SCML4: variants seen among roughly 807,000 people sequenced by gnomAD.
SCML4 encodes sex comb on midleg-like protein 4.
SCML4 carries 34 observed loss-of-function variants against 41.1 expected under a neutral mutation model. That is an observed-to-expected ratio of 0.83 (90% CI 0.63 to 1.10). SCML4 has a LOEUF of 1.10. Among genes scored for constraint, SCML4 ranks in the 50% least tolerant of loss-of-function variants. SCML4 has a pLI of 0.00. For missense variants in SCML4, 522 were observed against 534.1 expected (o/e 0.98, Z 0.22); for synonymous variants, 214 against 220.9 (o/e 0.97, Z 0.28).
intron 2 of SCML4, among the ~76,000 whole-genome samples, chr6:107,758,075 TCAGA>T (rs1211007757): frequency 1.3e-5 from 2 of 152,214 alleles, no homozygotes; most frequent in Admixed American, 6.5e-5. Flanking sequence ...ATTCATTCAA[TCAGA>T]CAGACATTTA....
At chr6:107,833,662 C>T in the SCML4 span, among the ~76,000 whole-genome samples, 5 of 152,114 alleles carry the variant, frequency 3.3e-5, no homozygotes, top group Non-Finnish European at 7.4e-5. Context: ...GTCCAGGCTT[C>T]CCCCAGTTTG....
chr6:107,738,192 T>A (rs889285237), intron 5 of SCML4, among the ~76,000 whole-genome samples: 16 of 152,200 alleles, frequency 1.1e-4, no homozygotes, highest in African/African-American at 3.9e-4. Context: ...CCCAGGGAGC[T>A]GTGTTACTTC....
At chr6:107,844,302 A>T in the SCML4 span, among the ~76,000 whole-genome samples, 1 of 152,232 alleles carries the variant, frequency 6.6e-6, no homozygotes, top group Non-Finnish European at 1.5e-5. Context: ...CTGGTCCTCA[A>T]GTACAGAAGT....
rs1369659132 is a variant in SCML4 at position 107,714,973 on chromosome 6, C to T, written c.973+5730G>A. On this transcript the variant is annotated intron_variant, in intron 6 of 7. Transcript: ENST00000369020. ...TTTCCCTGGTGTCCCTGCACAAACCCTTTATTTTTTTTTTTTTTTGAGATG... is the reference window on the plus strand; with the variant it reads ...TTTCCCTGGTGTCCCTGCACAAACCTTTTATTTTTTTTTTTTTTTGAGATG... Among the ~76,000 whole-genome samples, 633 of 89,994 alleles carry T rather than the reference C, an allele frequency of 7.0e-3. 31 individuals are homozygous for T. Among genetic ancestry groups the T allele is most frequent in the African/African-American group, 0.019 (544 of 28,426 alleles). 59.0% of individuals were successfully genotyped at this position (89,994 alleles called of 152,430 possible).
chr6:107,843,683 G>A, the SCML4 span, among the ~76,000 whole-genome samples: 1 of 152,206 alleles, frequency 6.6e-6, no homozygotes, highest in Non-Finnish European at 1.5e-5. Flanking sequence ...GATTGTAGAA[G>A]AGCACTGCCC....
chr6:107,826,706 G>A (rs1785269280), upstream of SCML4, among the ~76,000 whole-genome samples: 1 of 152,196 alleles, frequency 6.6e-6, no homozygotes, highest in African/African-American at 2.4e-5. Flanking sequence ...GTGGGTGCAT[G>A]TGGGAAGCAC....
intron 1 of SCML4, among the ~76,000 whole-genome samples, chr6:107,776,422 A>G (rs1780953368): frequency 6.6e-6 from 1 of 152,172 alleles, no homozygotes; most frequent in South Asian, 2.1e-4. Flanking sequence ...TGAGCAAAGG[A>G]TACAAAAAGA....
intron 2 of SCML4, among the ~76,000 whole-genome samples, chr6:107,753,423 G>A (rs1392151953): frequency 6.6e-6 from 1 of 152,158 alleles, no homozygotes; most frequent in African/African-American, 2.4e-5. Context: ...AAAGTCAAAT[G>A]CATAGAGACA....
chr6:107,807,251 T>C (rs896976820), intron 1 of SCML4, among the ~76,000 whole-genome samples: 5 of 152,194 alleles, frequency 3.3e-5, no homozygotes, highest in Non-Finnish European at 2.9e-5. Flanking sequence ...CTGTCAATCT[T>C]TGCCACCACT....
intron 5 of SCML4, among the ~76,000 whole-genome samples, chr6:107,735,411 C>A (rs1290811329): frequency 6.6e-6 from 1 of 152,190 alleles, no homozygotes; most frequent in Non-Finnish European, 1.5e-5. Flanking sequence ...CACCTCTCTT[C>A]ATTCCTTTCC....
At chr6:107,724,939 C>T (rs1254383207) in intron 5 of SCML4, among the ~76,000 whole-genome samples, 1 of 152,110 alleles carries the variant, frequency 6.6e-6, no homozygotes, top group African/African-American at 2.4e-5. Context: ...ATAAGCCAGG[C>T]ACAGAAAGAC....
chr6:107,768,778 C>T (rs1780279543), intron 2 of SCML4, among the ~76,000 whole-genome samples: 2 of 152,282 alleles, frequency 1.3e-5, no homozygotes, highest in Admixed American at 1.3e-4. Context: ...ATTATTATTA[C>T]CTTTTATTGG....
At chr6:107,826,599 T>C (rs1476511590), upstream of SCML4, among the ~76,000 whole-genome samples, 1 of 152,206 alleles carries the variant, frequency 6.6e-6, no homozygotes, top group Non-Finnish European at 1.5e-5. Flanking sequence ...GAGTTGCTGG[T>C]TTTCCTACCC....
At chr6:107,820,693 G>A (rs143204547) in intron 1 of SCML4, among the ~76,000 whole-genome samples, 161 of 152,258 alleles carry the variant, frequency 1.1e-3, no homozygotes, top group African/African-American at 3.5e-3. Context: ...TAGAACCCAC[G>A]GGCTGGCAGC....
At chr6:107,752,569 G>A (rs1778781567) in intron 2 of SCML4, among the ~76,000 whole-genome samples, 2 of 152,270 alleles carry the variant, frequency 1.3e-5, no homozygotes, top group Middle Eastern at 6.8e-3. Context: ...CACCCAATGG[G>A]GTAGAAAGAA....
At chr6:107,781,044 G>C (rs1045026463) in intron 1 of SCML4, among the ~76,000 whole-genome samples, 1 of 152,002 alleles carries the variant, frequency 6.6e-6, no homozygotes, top group Non-Finnish European at 1.5e-5. Flanking sequence ...AGGGTGAATA[G>C]AATAAAAGTG....
intron 5 of SCML4, among the ~76,000 whole-genome samples, chr6:107,726,709 C>T (rs1366486549): frequency 6.6e-6 from 1 of 152,108 alleles, no homozygotes; most frequent in Non-Finnish European, 1.5e-5. Flanking sequence ...CAATGAGTCA[C>T]CACTTCACAC....
At chr6:107,736,036 T>G (rs570548902) in intron 5 of SCML4, among the ~76,000 whole-genome samples, 86 of 151,912 alleles carry the variant, frequency 5.7e-4, no homozygotes, top group African/African-American at 2.0e-3. Flanking sequence ...TCTGGTGGAG[T>G]AGGCTACTTG....
chr6:107,733,089 T>C (rs568092579), intron 5 of SCML4, among the ~76,000 whole-genome samples: 1 of 152,294 alleles, frequency 6.6e-6, no homozygotes, highest in South Asian at 2.1e-4. Flanking sequence ...GAAAAGTGGG[T>C]CCTGCCCTAG....
Sources: gnomAD v4.1 joint callset for allele counts (sites outside exome capture counted in the v4.1 genomes callset) on GRCh38, gnomAD v4.1.1 for gene constraint, MANE v1.5 for transcripts, NCBI Gene and HGNC (gene_info 2026-07-23, HGNC 2026-07-21) for gene names.